Variants in RIIAD1 observed in about 807,000 individuals in gnomAD.
The protein encoded by RIIAD1 is RIIa domain-containing protein 1.
A neutral mutation model predicts 13.3 loss-of-function variants in RIIAD1; 15 were observed. The ratio of observed to expected loss-of-function variants is 1.13; its 90% CI spans 0.76 to 1.74. RIIAD1 has a LOEUF of 1.74. Among genes scored for constraint, RIIAD1 ranks in the 40% most tolerant of loss-of-function variants. The pLI is 0.00. For synonymous variants in RIIAD1, 50 were observed against 43.3 expected (o/e 1.16, Z -0.61); for missense variants, 121 against 112.2 (o/e 1.08, Z -0.35).
intron 2 of RIIAD1, among the ~76,000 whole-genome samples, chr1:151,713,218 G>C (rs1673174280): frequency 6.6e-6 from 1 of 152,126 alleles, no homozygotes; most frequent in African/African-American, 2.4e-5. Flanking sequence ...TCATTAACCA[G>C]GCGCCCTTCT....
intron 2 of RIIAD1, among the ~76,000 whole-genome samples, chr1:151,724,130 T>G (rs1293055395): frequency 6.6e-6 from 1 of 152,200 alleles, no homozygotes; most frequent in Non-Finnish European, 1.5e-5. Context: ...TGATTCTCTC[T>G]TTGTCCAGGA....
chr1:151,727,008 G>A (rs1159720738), intron 2 of RIIAD1, among the ~76,000 whole-genome samples: 1 of 152,196 alleles, frequency 6.6e-6, no homozygotes, highest in Non-Finnish European at 1.5e-5. Flanking sequence ...GATCGTTGAG[G>A]CCGGGTGCCG....
upstream of RIIAD1, chr1:151,721,446 C>G (rs987472852): frequency 3.8e-5 from 28 of 743,348 alleles, no homozygotes; most frequent in Non-Finnish European, 4.7e-5. Context: ...CTAGCCCCTG[C>G]TTCGCTGAAG....
At chr1:151,723,657 G>A (rs183846083) in intron 2 of RIIAD1, among the ~76,000 whole-genome samples, 10 of 152,110 alleles carry the variant, frequency 6.6e-5, no homozygotes, top group African/African-American at 2.2e-4. Flanking sequence ...CCGAGATTGC[G>A]CCACTGCACT....
At chr1:151,727,520 A>G (rs1673853760) in intron 2 of RIIAD1, 55 bp from the exon 3 acceptor site, 1 of 1,206,490 alleles carries the variant, frequency 8.3e-7, no homozygotes, top group African/African-American at 1.5e-5. Flanking sequence ...AACAGTAGCC[A>G]CAGCCTGCGT....
At chr1:151,721,649 TC>T in intron 1 of RIIAD1, 29 bp downstream of exon 1, 1 of 1,257,696 alleles carries the variant, frequency 8.0e-7, no homozygotes, top group Non-Finnish European at 1.0e-6. Context: ...CCATCCAGCG[TC>T]CACCAAAGTG....
In RIIAD1 at chr1:151,727,556, A is replaced by G. The variant is rs1279892953; in HGVS notation, c.162-19A>G. 6.5e-7 allele frequency: 1 copy of G among 1,528,476 alleles called. No individual in the cohort carries two copies. Among genetic ancestry groups the G allele is most frequent in the South Asian group, 1.2e-5 (1 of 83,604 alleles). The allele number at this position is 1,528,476 out of a possible 1,614,324, so 94.7% of individuals were successfully genotyped here. ...TAAAGTCTACTTTACCTCCCATCCTATCCCTTAATGTTTTCCAGAGAAATA... is the reference window on the plus strand; with the variant it reads ...TAAAGTCTACTTTACCTCCCATCCTGTCCCTTAATGTTTTCCAGAGAAATA... On this transcript the variant is annotated intron_variant, in intron 2 of 4. Coordinates refer to ENST00000479191, the MANE Select transcript of RIIAD1 (RefSeq NM_001144956.3).
chr1:151,720,444 A>T (rs1230387526), upstream of RIIAD1, among the ~76,000 whole-genome samples: 2 of 152,170 alleles, frequency 1.3e-5, no homozygotes, highest in African/African-American at 4.8e-5. Flanking sequence ...CAAAATGATC[A>T]CTAACCAAGA....
intron 3 of RIIAD1, chr1:151,728,517 C>G (rs1470532177): frequency 4.3e-6 from 2 of 462,456 alleles, no homozygotes; most frequent in Non-Finnish European, 7.6e-6. Context: ...CCAGGCACAG[C>G]GTGGAGGGGA....
chr1:151,720,191 T>A (rs1673712229), upstream of RIIAD1, among the ~76,000 whole-genome samples: 3 of 152,322 alleles, frequency 2.0e-5, 1 homozygote, highest in Middle Eastern at 6.8e-3. Context: ...TACAGCCACT[T>A]TTCAAGTGTT....
At chr1:151,724,373 T>C (rs141098645) in intron 2 of RIIAD1, among the ~76,000 whole-genome samples, 48 of 152,330 alleles carry the variant, frequency 3.2e-4, no homozygotes, top group African/African-American at 1.1e-3. Flanking sequence ...TTGTTTGGTG[T>C]CATTGTTCCC....
intron 2 of RIIAD1, among the ~76,000 whole-genome samples, chr1:151,726,760 T>C (rs1673837245): frequency 6.6e-6 from 1 of 152,244 alleles, no homozygotes; most frequent in African/African-American, 2.4e-5. Context: ...TTCAACTCTC[T>C]AGTGGCATTG....
At chr1:151,727,448 C>T (rs974356534) in intron 2 of RIIAD1, 127 bp from the exon 3 acceptor site, 32 of 704,706 alleles carry the variant, frequency 4.5e-5, no homozygotes, top group Admixed American at 3.5e-4. Flanking sequence ...CAGGAGTCTG[C>T]GGATTTATTG....
rs377166640 is a variant in RIIAD1 at position 151,714,707 on chromosome 1, C to T, written c.21+178C>T. 64 of 1,477,828 alleles carry T rather than the reference C, an allele frequency of 4.3e-5. No individual in the cohort carries two copies. The African/African-American group carries it at 6.0e-4, about 14-fold the overall frequency. The allele number at this position is 1,477,828 out of a possible 1,614,324, so 91.5% of individuals were successfully genotyped here. ...GAGGGGCAGGGGCAGAGAAACACGG[C>T]GGGGGGTGAGTCCTCCATCTCCCCT... On this transcript the variant is annotated intron_variant, in intron 4 of 8. Transcript: ENST00000326413.
rs1300596629 is a variant in RIIAD1 at position 151,728,862 on chromosome 1, T to C, written c.*26T>C. The C allele has an allele frequency of 7.3e-7, 1 of 1,373,348 alleles. No homozygotes were observed. Among genetic ancestry groups the C allele is most frequent in the Admixed American group, 2.0e-5 (1 of 50,762 alleles). The allele number at this position is 1,373,348 out of a possible 1,614,324, so 85.1% of individuals were successfully genotyped here. A position where few individuals can be genotyped will look rare whatever the true frequency, so the allele number is the denominator to read the frequency against. On this transcript the variant is annotated 3_prime_UTR_variant, in exon 4 of 5. Transcript: ENST00000479191. ...TTAGCAAAATCATGATGCTCAGCTG[T>C]TGGGAGAGACCAGACGGAATCCAGC...
At chr1:151,717,465 G>T (rs1673568722), upstream of RIIAD1, among the ~76,000 whole-genome samples, 1 of 152,138 alleles carries the variant, frequency 6.6e-6, no homozygotes, top group Non-Finnish European at 1.5e-5. Context: ...GGGTTTGTGT[G>T]TATAAGTGCG....
At chr1:151,721,502 G>C (rs1335261414), upstream of RIIAD1, 6 of 1,271,322 alleles carry the variant, frequency 4.7e-6, no homozygotes, top group Non-Finnish European at 5.0e-6. Context: ...GGGCCTCGCC[G>C]GCTCGCGGCC....
Position 151,721,631 on chromosome 1 carries a change from C to A in RIIAD1, c.84+11C>A. The A allele has an allele frequency of 7.8e-7, 1 of 1,274,106 alleles. No individual in the cohort carries two copies. The allele number at this position is 1,274,106 out of a possible 1,614,324, so 78.9% of individuals were successfully genotyped here. A position where few individuals can be genotyped will look rare whatever the true frequency, so the allele number is the denominator to read the frequency against. ...CTGCGAAAATTCAAGGTGGGTGCGC[C>A]CGCGCCCCCATCCAGCGTCCACCAA... is the stretch of plus-strand genomic sequence containing the variant. On this transcript the variant is annotated intron_variant, in intron 1 of 4. Transcript: ENST00000479191.
intron 1 of RIIAD1, 85 bp downstream of exon 1, chr1:151,721,705 G>A: frequency 1.4e-6 from 1 of 738,336 alleles, no homozygotes; most frequent in Non-Finnish European, 1.9e-6. Context: ...GAGAGCCGCC[G>A]AGAGAAGGGG....
Sources: allele counts gnomAD v4.1 joint callset (sites outside exome capture counted in the v4.1 genomes callset), GRCh38; gene constraint gnomAD v4.1.1; transcripts MANE v1.5; gene names NCBI Gene and HGNC (gene_info 2026-07-23, HGNC 2026-07-21).